The following MAN1A1 variants were observed in gnomAD, a reference collection of about 807,000 sequenced individuals.
The protein encoded by MAN1A1 is mannosidase alpha class 1A member 1.
In MAN1A1, 29 loss-of-function variants were observed where a neutral mutation model predicts 70.8. The observed-to-expected ratio is 0.41, with a 90% CI of 0.31 to 0.56. The LOEUF is 0.56. Ranked by LOEUF, MAN1A1 falls within the 20% of genes least tolerant of loss-of-function variation. The pLI is 0.29. For synonymous variants in MAN1A1, 349 were observed against 330.1 expected (o/e 1.06, Z -0.62); for missense variants, 747 against 841.3 (o/e 0.89, Z 1.39).
intron 6 of MAN1A1, among the ~76,000 whole-genome samples, chr6:119,241,949 TGTGTGTGTGTGTGTG>T (rs1775021034): frequency 2.4e-4 from 1 of 4,120 alleles, no homozygotes; most frequent in Admixed American, 8.0e-4. Flanking sequence ...TGTGTATGTA[TGTGTGTGTGTGTGTG>T]TGTGTGTGTA....
intron 6 of MAN1A1, among the ~76,000 whole-genome samples, chr6:119,244,367 A>G (rs1775105847): frequency 6.6e-6 from 1 of 152,116 alleles, no homozygotes; most frequent in African/African-American, 2.4e-5. Context: ...TGTGTAACTT[A>G]TGCATTCTCA....
intron 5 of MAN1A1, among the ~76,000 whole-genome samples, chr6:119,265,264 CT>C (rs1406901272): frequency 6.6e-5 from 10 of 151,994 alleles, no homozygotes; most frequent in Non-Finnish European, 1.3e-4. Flanking sequence ...ATACACCCAG[CT>C]AATTTTTAAT....
At chr6:119,212,133 C>T (rs562078597) in intron 6 of MAN1A1, among the ~76,000 whole-genome samples, 325 of 149,384 alleles carry the variant, frequency 2.2e-3, no homozygotes, top group African/African-American at 7.3e-3. Context: ...AGCCACTGTG[C>T]CCGGCCAATA....
In MAN1A1 at chr6:119,290,675, C is replaced by A; in HGVS notation, c.897+8G>T. 1 of 1,598,812 alleles carries A rather than the reference C, an allele frequency of 6.3e-7. No individual in the cohort carries two copies. The highest frequency in any genetic ancestry group is 8.5e-7 in the Non-Finnish European group (1 of 1,170,422). On this transcript the variant is annotated splice_region_variant and intron_variant, in intron 5 of 12. Transcript: ENST00000368468. Reference sequence around the variant, plus strand: ...TAATTCACATTTATATACCACTTTTCATCTTACCTCTTCTCCAGACAGATA... The same window carrying A: ...TAATTCACATTTATATACCACTTTTAATCTTACCTCTTCTCCAGACAGATA...
intron 6 of MAN1A1, among the ~76,000 whole-genome samples, chr6:119,221,744 C>T (rs117590768): frequency 0.028 from 4,252 of 152,098 alleles, 94 homozygotes; most frequent in Non-Finnish European, 0.045. Flanking sequence ...TGAGCCACTG[C>T]GCCCGGCCTC....
chr6:119,319,131 T>G (rs1218636017), intron 2 of MAN1A1, among the ~76,000 whole-genome samples: 2 of 152,128 alleles, frequency 1.3e-5, no homozygotes, highest in Non-Finnish European at 2.9e-5. Context: ...TGGCAAATGA[T>G]TATTTTAGAC....
intron 5 of MAN1A1, among the ~76,000 whole-genome samples, chr6:119,258,884 G>A (rs1331767570): frequency 6.6e-6 from 1 of 152,110 alleles, no homozygotes; most frequent in Non-Finnish European, 1.5e-5. Flanking sequence ...TGAACAGTCT[G>A]TACGATCTTG....
intron 5 of MAN1A1, among the ~76,000 whole-genome samples, chr6:119,266,509 C>T (rs1445448529): frequency 6.6e-6 from 1 of 150,622 alleles, no homozygotes; most frequent in African/African-American, 2.4e-5. Context: ...ACAAATGGTG[C>T]TGGAAAAACT....
chr6:119,314,153 T>C (rs1436052969), intron 2 of MAN1A1, among the ~76,000 whole-genome samples: 1 of 152,172 alleles, frequency 6.6e-6, no homozygotes, highest in African/African-American at 2.4e-5. Context: ...ACTTCTAGCA[T>C]AGGCTGCCCT....
chr6:119,242,116 A>G (rs528287873), intron 6 of MAN1A1, among the ~76,000 whole-genome samples: 6 of 84,988 alleles, frequency 7.1e-5, no homozygotes, highest in Non-Finnish European at 1.6e-4. Context: ...GTGGCTATTT[A>G]TAACAGACAG....
At chr6:119,193,047 G>A (rs1773481362) in intron 9 of MAN1A1, among the ~76,000 whole-genome samples, 2 of 152,178 alleles carry the variant, frequency 1.3e-5, no homozygotes, top group Non-Finnish European at 2.9e-5. Flanking sequence ...CAGTGGATGA[G>A]TTAAAAGGAA....
chr6:119,180,156 G>C (rs144254280), intron 12 of MAN1A1, among the ~76,000 whole-genome samples, 156 bp downstream of exon 12: 1,960 of 152,270 alleles, frequency 0.013, 20 homozygotes, highest in Middle Eastern at 0.085. Flanking sequence ...CCAAGTCACT[G>C]AACCTAGTTA....
At chr6:119,265,844 G>T (rs2114363805) in intron 5 of MAN1A1, among the ~76,000 whole-genome samples, 1 of 152,240 alleles carries the variant, frequency 6.6e-6, no homozygotes, top group South Asian at 2.1e-4. Flanking sequence ...AATTTTGTCT[G>T]CAGATGACAT....
chr6:119,245,651 A>G (rs897574578), intron 6 of MAN1A1, among the ~76,000 whole-genome samples: 1 of 152,120 alleles, frequency 6.6e-6, no homozygotes, highest in Non-Finnish European at 1.5e-5. Flanking sequence ...AATTTGGGTA[A>G]GTCACTGGTA....
At chr6:119,319,000 G>A (rs1218828516) in intron 2 of MAN1A1, among the ~76,000 whole-genome samples, 1 of 152,072 alleles carries the variant, frequency 6.6e-6, no homozygotes, top group Non-Finnish European at 1.5e-5. Flanking sequence ...CCACTAAATG[G>A]CAATATCAGA....
At chr6:119,257,946 A>AGT (rs1775505914) in intron 5 of MAN1A1, among the ~76,000 whole-genome samples, 5 of 152,204 alleles carry the variant, frequency 3.3e-5, no homozygotes, top group Non-Finnish European at 7.4e-5. Context: ...GACATTTAGA[A>AGT]AAATATGCAG....
intron 1 of MAN1A1, 81 bp from the exon 2 acceptor site, chr6:119,349,368 C>A (rs768629409): frequency 2.3e-5 from 24 of 1,030,080 alleles, no homozygotes; most frequent in Non-Finnish European, 2.6e-5. Flanking sequence ...CGACTCCTGG[C>A]GAGCCTCCAG....
At chr6:119,192,110 G>A (rs900428394) in intron 9 of MAN1A1, among the ~76,000 whole-genome samples, 1 of 152,146 alleles carries the variant, frequency 6.6e-6, no homozygotes, top group African/African-American at 2.4e-5. Context: ...TGTGGGTATG[G>A]TTTTAGGAAT....
chr6:119,238,398 C>T (rs1333657047), intron 6 of MAN1A1, among the ~76,000 whole-genome samples: 4 of 152,152 alleles, frequency 2.6e-5, no homozygotes, highest in Non-Finnish European at 4.4e-5. Context: ...AAGAAAGAAA[C>T]ATACAAATTC....
Sources: allele counts gnomAD v4.1 joint callset (sites outside exome capture counted in the v4.1 genomes callset), GRCh38; gene constraint gnomAD v4.1.1; transcripts MANE v1.5; gene names NCBI Gene and HGNC (gene_info 2026-07-23, HGNC 2026-07-21).